COL23A1: variants seen among roughly 807,000 people sequenced by gnomAD.
COL23A1 encodes the protein collagen type XXIII alpha 1 chain.
A neutral mutation model predicts 99.3 loss-of-function variants in COL23A1; 97 were observed. That is an observed-to-expected ratio of 0.98 (90% confidence interval 0.83 to 1.16). The LOEUF (loss-of-function observed/expected upper bound fraction) is 1.16. Ranked by LOEUF, COL23A1 falls within the 50% of genes most tolerant of loss-of-function variation. COL23A1 has a pLI of 0.00. For synonymous variants in COL23A1, 320 were observed against 308.2 expected (o/e 1.04, Z -0.40); for missense variants, 762 against 757.4 (o/e 1.01, Z -0.07).
At chr5:178,379,671 C>T (rs1415859854) in intron 2 of COL23A1, among the ~76,000 whole-genome samples, 4 of 152,080 alleles carry the variant, frequency 2.6e-5, no homozygotes, top group Non-Finnish European at 4.4e-5. Flanking sequence ...CACCGGAGGT[C>T]GGGAGTTCGA....
At chr5:178,256,520 G>A (rs987975775) in intron 14 of COL23A1, 123 bp from the exon 15 acceptor site, 1 of 856,048 alleles carries the variant, frequency 1.2e-6, no homozygotes, top group African/African-American at 1.7e-5. Context: ...AACCCTAATA[G>A]CCAAATGTAT....
chr5:178,399,353 C>T (rs907075873), intron 2 of COL23A1, among the ~76,000 whole-genome samples: 2 of 152,198 alleles, frequency 1.3e-5, no homozygotes, highest in African/African-American at 2.4e-5. Flanking sequence ...TAGACAGAGA[C>T]GGAGGATCCT....
chr5:178,489,734 C>T (rs746468194), intron 2 of COL23A1, among the ~76,000 whole-genome samples: 4 of 152,188 alleles, frequency 2.6e-5, no homozygotes, highest in Non-Finnish European at 5.9e-5. Context: ...GCTTCTTGCA[C>T]CTCACCACGG....
intron 3 of COL23A1, among the ~76,000 whole-genome samples, chr5:178,304,229 G>A (rs965119949): frequency 2.6e-5 from 4 of 152,126 alleles, no homozygotes; most frequent in African/African-American, 7.2e-5. Flanking sequence ...GCCTTTCTCT[G>A]TGGGCGCGGT....
Position 178,247,195 on chromosome 5 carries a change from G to C in COL23A1, c.1296+331C>G, listed in dbSNP as rs532295773. Among the ~76,000 whole-genome samples, 4 of 152,220 alleles carry C rather than the reference G, an allele frequency of 2.6e-5. 1 individual carries two copies. The East Asian group carries it at 7.8e-4, about 30-fold the overall frequency. ...GGCGGGCTGGGATGGGGAGAGGTGG[G>C]GACAGTGCAAGGAACTGACAGGCAC... On this transcript the variant is annotated intron_variant, in intron 22 of 28. Coordinates refer to ENST00000390654, the MANE Select transcript of COL23A1 (RefSeq NM_173465.4).
At chr5:178,319,157 G>C (rs1759145170) in intron 2 of COL23A1, among the ~76,000 whole-genome samples, 2 of 152,158 alleles carry the variant, frequency 1.3e-5, no homozygotes, top group Admixed American at 1.3e-4. Flanking sequence ...CTGTGGCTTT[G>C]GGCTTGGTCA....
At chr5:178,361,800 G>A (rs1261786007) in intron 2 of COL23A1, among the ~76,000 whole-genome samples, 4 of 152,206 alleles carry the variant, frequency 2.6e-5, no homozygotes, top group Middle Eastern at 3.4e-3. Context: ...GCCATGCACC[G>A]GCTCTCACTG....
At chr5:178,392,316 T>C (rs1764012537) in intron 2 of COL23A1, among the ~76,000 whole-genome samples, 1 of 152,176 alleles carries the variant, frequency 6.6e-6, no homozygotes, top group African/African-American at 2.4e-5. Flanking sequence ...CATCACAATC[T>C]GCCCTGGGTG....
chr5:178,449,208 A>G (rs2127859466), intron 2 of COL23A1, among the ~76,000 whole-genome samples: 1 of 152,294 alleles, frequency 6.6e-6, no homozygotes, highest in East Asian at 1.9e-4. Context: ...TTGTTATGGC[A>G]GCCCAAGTGG....
In COL23A1 at chr5:178,306,060, CTG is replaced by C. The variant is rs1758335593; in HGVS notation, c.406+813_406+814del. Among the ~76,000 whole-genome samples the C allele has an allele frequency of 6.6e-6, 1 of 151,776 alleles. No homozygotes were observed. The highest frequency in any genetic ancestry group is 1.5e-5 in the Non-Finnish European group (1 of 67,966). On this transcript the variant is annotated intron_variant, in intron 3 of 28. Coordinates refer to ENST00000390654, the MANE Select transcript of COL23A1 (RefSeq NM_173465.4). This position sits in a 1 kb window ranked among gnomAD's most constrained non-coding sequence, Gnocchi z 4.1. ...TGGTCAGTGTCACAGCAGTGGGAGA[CTG>C]TGGGAGAGAGGAGAGGAGACGACCA...
In COL23A1 at chr5:178,313,714, C is replaced by G. The variant is rs147296221; in HGVS notation, c.362-6795G>C. Among the ~76,000 whole-genome samples, 1 of 152,096 alleles carries G rather than the reference C, an allele frequency of 6.6e-6. No individual in the cohort carries two copies. Among genetic ancestry groups the G allele is most frequent in the Non-Finnish European group, 1.5e-5 (1 of 68,024 alleles). The stretch of plus-strand genomic sequence containing the variant: ...GTCCTTCTCAACACCACTGGAAGCC[C>G]CTTTATATGACCCTCTTCCCAGAAC... On this transcript the variant is annotated intron_variant, in intron 2 of 28. Coordinates refer to ENST00000390654, the MANE Select transcript of COL23A1 (RefSeq NM_173465.4). The surrounding 1 kb of genome is among the most constrained non-coding windows in gnomAD (Gnocchi z 4.2).
At chr5:178,269,540 C>A in intron 6 of COL23A1, among the ~76,000 whole-genome samples, 1 of 125,804 alleles carries the variant, frequency 7.9e-6, no homozygotes, top group African/African-American at 3.1e-5. Context: ...CCCATCTATC[C>A]ACCCATCCAT....
chr5:178,377,711 GGTCACAGTCT>G (rs1304770478), intron 2 of COL23A1, among the ~76,000 whole-genome samples: 1 of 152,176 alleles, frequency 6.6e-6, no homozygotes, highest in African/African-American at 2.4e-5. Flanking sequence ...CGCGAGTCAC[GGTCACAGTCT>G]GTCACCGGGA....
intron 2 of COL23A1, among the ~76,000 whole-genome samples, chr5:178,375,833 G>A (rs2973723): frequency 0.16 from 24,502 of 152,134 alleles, 1,992 homozygotes; most frequent in South Asian, 0.24. Flanking sequence ...TCAGTCTCCC[G>A]AGTAGCTGGG....
chr5:178,489,351 C>T (rs981603487), intron 2 of COL23A1, among the ~76,000 whole-genome samples: 2 of 152,230 alleles, frequency 1.3e-5, no homozygotes, highest in African/African-American at 4.8e-5. Flanking sequence ...AGACCTTCAG[C>T]CTCAGACTAG....
intron 2 of COL23A1, among the ~76,000 whole-genome samples, chr5:178,430,307 C>T (rs1336889924): frequency 1.3e-5 from 2 of 152,178 alleles, no homozygotes; most frequent in African/African-American, 4.8e-5. Flanking sequence ...GTTCCTGGGT[C>T]TCTGCCCACT....
At chr5:178,264,525 C>T (rs1765806221) in intron 8 of COL23A1, among the ~76,000 whole-genome samples, 1 of 152,248 alleles carries the variant, frequency 6.6e-6, no homozygotes, top group South Asian at 2.1e-4. Flanking sequence ...GCAGTGCCCA[C>T]CCTACACTCG....
At chr5:178,334,348 C>T (rs976626529) in intron 2 of COL23A1, among the ~76,000 whole-genome samples, 1 of 152,236 alleles carries the variant, frequency 6.6e-6, no homozygotes, top group Non-Finnish European at 1.5e-5. Context: ...CGAGCCCATG[C>T]CCCTGAAGCC....
intron 2 of COL23A1, among the ~76,000 whole-genome samples, chr5:178,375,182 A>C (rs1763007455): frequency 6.6e-6 from 1 of 151,656 alleles, no homozygotes; most frequent in Admixed American, 6.6e-5. Context: ...CACACGCTGC[A>C]GGAGTCCATT....
Sources: gnomAD v4.1 joint callset for allele counts (sites outside exome capture counted in the v4.1 genomes callset) on GRCh38, gnomAD v4.1.1 for gene constraint, Gnocchi (gnomAD v3.1) non-coding constraint, MANE v1.5 for transcripts, NCBI Gene and HGNC (gene_info 2026-07-23, HGNC 2026-07-21) for gene names.